The following RORB variants were observed in gnomAD, a reference collection of about 807,000 sequenced individuals.
The protein encoded by RORB is RAR related orphan receptor B.
RORB carries 6 observed loss-of-function variants against 59.1 expected under a neutral mutation model. The ratio of observed to expected loss-of-function variants is 0.10; its 90% CI spans 0.06 to 0.20. The LOEUF (loss-of-function observed/expected upper bound fraction) is 0.20. Among genes scored for constraint, RORB ranks in the 10% least tolerant of loss-of-function variants. RORB has a pLI of 1.00. For missense variants in RORB, 320 were observed against 560.5 expected, an observed-to-expected ratio of 0.57 and a Z score of 4.33; for synonymous variants, 215 against 204.5, an observed-to-expected ratio of 1.05 and a Z score of -0.44.
At chr9:74,499,702 G>A (rs2118005286) in intron 1 of RORB, among the ~76,000 whole-genome samples, 1 of 152,252 alleles carries the variant, frequency 6.6e-6, no homozygotes, top group Non-Finnish European at 1.5e-5. Context: ...GAGACGCCCG[G>A]TCTTTTGTTT....
chr9:74,630,556 T>G (rs1173963280), intron 2 of RORB, among the ~76,000 whole-genome samples, 189 bp downstream of exon 2: 1 of 152,290 alleles, frequency 6.6e-6, no homozygotes, highest in East Asian at 1.9e-4. Context: ...CTTTTTGTTA[T>G]TGTCTAACTG....
intron 1 of RORB, among the ~76,000 whole-genome samples, chr9:74,594,155 A>G (rs1822939765): frequency 6.6e-6 from 1 of 152,232 alleles, no homozygotes; most frequent in South Asian, 2.1e-4. Context: ...AAACTTACTT[A>G]GCATAATGTC....
chr9:74,543,327 G>A (rs1367641025), intron 1 of RORB, among the ~76,000 whole-genome samples: 1 of 152,180 alleles, frequency 6.6e-6, no homozygotes, highest in Admixed American at 6.5e-5. Context: ...GGACGGTGTG[G>A]AACACCCCTT....
chr9:74,531,813 C>T (rs573730087), intron 1 of RORB, among the ~76,000 whole-genome samples: 3 of 152,010 alleles, frequency 2.0e-5, no homozygotes, highest in East Asian at 3.9e-4. Flanking sequence ...CTAAACTTTA[C>T]ATGAGACTTT....
chr9:74,558,876 T>C (rs941691174), intron 1 of RORB, among the ~76,000 whole-genome samples: 2 of 152,224 alleles, frequency 1.3e-5, no homozygotes, highest in African/African-American at 4.8e-5. Flanking sequence ...CCTGGGACTT[T>C]AGCTGTAGAA....
At chr9:74,498,216 G>A (rs1380909948) in intron 1 of RORB, 3 of 598,962 alleles carry the variant, frequency 5.0e-6, no homozygotes, top group East Asian at 5.5e-5. Context: ...TTTTTGGAGA[G>A]GGGAGACAGG....
intron 1 of RORB, among the ~76,000 whole-genome samples, chr9:74,530,021 A>G (rs1377894561): frequency 6.6e-6 from 1 of 152,044 alleles, no homozygotes; most frequent in African/African-American, 2.4e-5. Flanking sequence ...ATTCTGTGGT[A>G]TAAATACCTG....
chr9:74,583,587 G>A (rs1442727956), intron 1 of RORB, among the ~76,000 whole-genome samples: 4 of 151,752 alleles, frequency 2.6e-5, no homozygotes, highest in Non-Finnish European at 5.9e-5. Flanking sequence ...TTTTGTCCAG[G>A]GAGCATTTTC....
At chr9:74,530,650 C>A (rs1018905938) in intron 1 of RORB, among the ~76,000 whole-genome samples, 7 of 151,978 alleles carry the variant, frequency 4.6e-5, no homozygotes, top group Non-Finnish European at 7.4e-5. Context: ...ATTGATCCTT[C>A]CACGCTGTCC....
chr9:74,555,058 T>C (rs1822266002), intron 1 of RORB, among the ~76,000 whole-genome samples: 1 of 152,230 alleles, frequency 6.6e-6, no homozygotes, highest in Non-Finnish European at 1.5e-5. Flanking sequence ...TCATTAAAAC[T>C]AGGCACATGC....
At chr9:74,593,412 G>A (rs1822928808) in intron 1 of RORB, among the ~76,000 whole-genome samples, 1 of 144,788 alleles carries the variant, frequency 6.9e-6, no homozygotes, top group Non-Finnish European at 1.5e-5. Context: ...GTTGCAGTAA[G>A]CCGAGATCAC....
intron 1 of RORB, among the ~76,000 whole-genome samples, chr9:74,604,680 G>A (rs947036411): frequency 5.3e-5 from 8 of 152,038 alleles, no homozygotes; most frequent in African/African-American, 1.9e-4. Flanking sequence ...TTTCTACTTG[G>A]CAATTTTTAT....
chr9:74,537,621 G>C (rs1447326181), intron 1 of RORB, among the ~76,000 whole-genome samples: 1 of 151,950 alleles, frequency 6.6e-6, no homozygotes, highest in East Asian at 1.9e-4. Context: ...AAAGAGCTTT[G>C]TTGCTGACTA....
intron 1 of RORB, among the ~76,000 whole-genome samples, chr9:74,506,629 A>T (rs1287172468): frequency 6.6e-6 from 1 of 152,134 alleles, no homozygotes; most frequent in Non-Finnish European, 1.5e-5. Flanking sequence ...CACAAAGCTG[A>T]AAAACAGACT....
At chr9:74,510,482 G>A (rs1825922087) in intron 1 of RORB, among the ~76,000 whole-genome samples, 1 of 152,130 alleles carries the variant, frequency 6.6e-6, no homozygotes, top group Non-Finnish European at 1.5e-5. Context: ...GTAAACCTGA[G>A]AGGAGCTGAC....
chr9:74,540,221 T>C (rs1039552504), intron 1 of RORB, among the ~76,000 whole-genome samples: 1 of 152,174 alleles, frequency 6.6e-6, no homozygotes, highest in Non-Finnish European at 1.5e-5. Flanking sequence ...AGAGAATATA[T>C]TGAGGGCTTT....
At chr9:74,532,788 A>G (rs935607409) in intron 1 of RORB, among the ~76,000 whole-genome samples, 2 of 147,104 alleles carry the variant, frequency 1.4e-5, no homozygotes, top group African/African-American at 2.5e-5. Context: ...GTGTGTATAT[A>G]TATATACATA....
intron 6 of RORB, among the ~76,000 whole-genome samples, chr9:74,663,618 A>G (rs1294244355): frequency 6.6e-6 from 1 of 152,196 alleles, no homozygotes; most frequent in Non-Finnish European, 1.5e-5. Context: ...CAAAGCTACA[A>G]TTTGGGCAGG....
At chr9:74,685,406 G>A (rs1457181170) in intron 9 of RORB, 57 bp from the exon 10 acceptor site, 1 of 1,428,658 alleles carries the variant, frequency 7.0e-7, no homozygotes, top group East Asian at 2.4e-5. Flanking sequence ...TGGTTCCACA[G>A]ACAGAGCACT....
Sources: gnomAD v4.1 joint callset for allele counts (sites outside exome capture counted in the v4.1 genomes callset) on GRCh38, gnomAD v4.1.1 for gene constraint, MANE v1.5 for transcripts, NCBI Gene and HGNC (gene_info 2026-07-23, HGNC 2026-07-21) for gene names.